Variants in AKAP13 observed in about 807,000 individuals in gnomAD.
AKAP13 encodes A-kinase anchoring protein 13.
AKAP13 carries 80 observed loss-of-function variants against 264.5 expected under a neutral mutation model. The ratio of observed to expected loss-of-function variants is 0.30; its 90% CI spans 0.25 to 0.36. The LOEUF is 0.36. Among genes scored for constraint, AKAP13 ranks in the 10% least tolerant of loss-of-function variants. The pLI is 1.00. For missense variants in AKAP13, 3,712 were observed against 3,435.2 expected, an observed-to-expected ratio of 1.08 and a Z score of -2.01; for synonymous variants, 1,380 against 1,250.2, an observed-to-expected ratio of 1.10 and a Z score of -2.19.
chr15:85,710,730 T>C, intron 19 of AKAP13, 85 bp downstream of exon 19: 2 of 1,460,344 alleles, frequency 1.4e-6, no homozygotes, highest in African/African-American at 1.4e-5. Context: ...TCAGTTATTA[T>C]TCATAGTCAA....
chr15:85,732,905 T>C (rs932673058), intron 30 of AKAP13, among the ~76,000 whole-genome samples: 2 of 152,140 alleles, frequency 1.3e-5, no homozygotes, highest in Non-Finnish European at 2.9e-5. Flanking sequence ...ATAGTAATGC[T>C]GCTACCACTA....
At chr15:85,597,779 C>T (rs1055459858) in intron 8 of AKAP13, among the ~76,000 whole-genome samples, 4 of 152,056 alleles carry the variant, frequency 2.6e-5, no homozygotes, top group Admixed American at 2.0e-4. Flanking sequence ...TTTGGGTGTG[C>T]TTGTTGTGTG....
rs576500897 is a variant in AKAP13, at chr15:85,654,441, A to T, written c.4375-976A>T. ...AACACATGATAAATTTTGTTTTCAT[A>T]TACAAAAAACCCAGAGACAGATGGA... On this transcript the variant is annotated intron_variant, in intron 10 of 36. Coordinates refer to ENST00000394518, the MANE Select transcript of AKAP13 (RefSeq NM_007200.5). Among the ~76,000 whole-genome samples, 6 of 152,342 alleles carry T rather than the reference A, an allele frequency of 3.9e-5. No individual in the cohort carries two copies. The South Asian group carries it at 1.2e-3, about 32-fold the overall frequency.
chr15:85,658,503 C>CT, intron 11 of AKAP13, 34 bp from the exon 12 acceptor site: 1 of 1,609,490 alleles, frequency 6.2e-7, no homozygotes, highest in Non-Finnish European at 8.5e-7. Context: ...TTTGTTTCAC[C>CT]TGCAACACTG....
At chr15:85,743,061 C>T (rs1046943667) in intron 35 of AKAP13, among the ~76,000 whole-genome samples, 8 of 152,070 alleles carry the variant, frequency 5.3e-5, no homozygotes, top group African/African-American at 4.8e-5. Flanking sequence ...GGTGTAAGCT[C>T]GGCTTTTCCA....
rs906350528 is a variant in AKAP13, at chr15:85,618,006, C to G, written c.4162-21368C>G. On this transcript the variant is annotated intron_variant, in intron 8 of 36. Transcript: ENST00000394518. ...TGCACATGTTGGTACCACTACAGAG[C>G]CAAGGCTCACTTGGGGCACGAGAAG... is the stretch of plus-strand genomic sequence containing the variant. 2.0e-5 allele frequency among the ~76,000 whole-genome samples: 3 copies of G among 152,196 alleles called. No homozygotes were observed. In the South Asian group the frequency reaches 6.2e-4, roughly 32 times the overall value.
intron 3 of AKAP13, among the ~76,000 whole-genome samples, chr15:85,532,117 G>C (rs989862450): frequency 2.6e-5 from 4 of 152,170 alleles, no homozygotes; most frequent in African/African-American, 9.7e-5. Context: ...AATTGTTGTG[G>C]AGAGATGACT....
chr15:85,429,164 T>C (rs1304180517), intron 1 of AKAP13, among the ~76,000 whole-genome samples: 1 of 152,236 alleles, frequency 6.6e-6, no homozygotes, highest in East Asian at 1.9e-4. Context: ...ACTACCATTT[T>C]TCTACCTAAT....
At chr15:85,486,656 C>G (rs1161868583) in intron 2 of AKAP13, among the ~76,000 whole-genome samples, 1 of 151,114 alleles carries the variant, frequency 6.6e-6, no homozygotes, top group Non-Finnish European at 1.5e-5. Context: ...ACTGTATAAA[C>G]TTGGTACTTC....
intron 8 of AKAP13, among the ~76,000 whole-genome samples, chr15:85,632,574 T>A (rs1018734934): frequency 6.6e-6 from 1 of 152,188 alleles, no homozygotes; most frequent in African/African-American, 2.4e-5. Flanking sequence ...AGAATTGTTT[T>A]CCAACATGAT....
At chr15:85,680,159 T>G (rs62022920) in intron 14 of AKAP13, among the ~76,000 whole-genome samples, 26,842 of 152,196 alleles carry the variant, frequency 0.18, 2,623 homozygotes, top group Non-Finnish European at 0.22. Context: ...TTTATTTAGT[T>G]CATATTACTA....
chr15:85,552,818 T>C (rs531986702), intron 5 of AKAP13, among the ~76,000 whole-genome samples: 1 of 151,688 alleles, frequency 6.6e-6, no homozygotes, highest in Non-Finnish European at 1.5e-5. Flanking sequence ...TTTTTCACCG[T>C]GTTAGCCAGG....
intron 23 of AKAP13, among the ~76,000 whole-genome samples, chr15:85,721,760 A>G (rs891539505): frequency 1.3e-5 from 2 of 152,256 alleles, no homozygotes; most frequent in African/African-American, 2.4e-5. Context: ...TCAAATCTGT[A>G]TAACAGCTTT....
At chr15:85,688,064 A>G (rs1029017681) in intron 16 of AKAP13, among the ~76,000 whole-genome samples, 13 of 151,944 alleles carry the variant, frequency 8.6e-5, no homozygotes, top group African/African-American at 3.1e-4. Flanking sequence ...GAGAGAGGAA[A>G]GAAATAGGGG....
Position 85,579,116 on chromosome 15 carries a change from A to T in AKAP13, c.1048A>T (p.Thr350Ser). 1 of 1,614,192 alleles carries T rather than the reference A, an allele frequency of 6.2e-7. No homozygotes were observed. The highest frequency in any genetic ancestry group is 8.5e-7 in the Non-Finnish European group (1 of 1,180,040). Residue 350 changes from threonine (T) to serine (S), a missense_variant, in exon 7 of 37, where the codon ACT becomes TCT. Physicochemically the swap from Thr to Ser is moderately conservative, Grantham distance 58. Coordinates refer to ENST00000394518, the MANE Select transcript of AKAP13 (RefSeq NM_007200.5). ...CTGCCCAGGGAGCCCTGTTGCACAG[A>T]CTGAAAGTCCCTGTGATTTGTCAAG... Reference protein sequence around the residue: ...QCCPGSPVAQTESPCDLSSIV... With the variant: ...QCCPGSPVAQSESPCDLSSIV...
intron 8 of AKAP13, among the ~76,000 whole-genome samples, chr15:85,630,302 G>A (rs774123422): frequency 2.2e-5 from 3 of 137,296 alleles, no homozygotes; most frequent in African/African-American, 5.4e-5. Context: ...TTGTAATTCC[G>A]GCCCAGTGTC....
chr15:85,511,530 G>A (rs980745035), intron 2 of AKAP13, among the ~76,000 whole-genome samples: 4 of 152,210 alleles, frequency 2.6e-5, no homozygotes, highest in Non-Finnish European at 5.9e-5. Context: ...ATTCCCACAA[G>A]CCACTAGTTT....
rs760969912 is a variant in AKAP13, at chr15:85,580,979, G to C, written c.2911G>C (p.Asp971His). The change falls in exon 7 of 37, where the codon GAC becomes CAC. Residue 971 changes from aspartate to histidine, a missense_variant. Transcript: ENST00000394518. ...ATTTCATGAAAAATCAATCTCAGCT[G>C]ACTGTGCCAAGGACAAAGCACTTCA... ...QQFHEKSISA[D>H]CAKDKALQLS... 6.2e-7 allele frequency: 1 copy of C among 1,614,084 alleles called. No homozygotes were observed. Among genetic ancestry groups the C allele is most frequent in the South Asian group, 1.1e-5 (1 of 91,062 alleles).
chr15:85,672,181 A>G (rs11631660), intron 14 of AKAP13, among the ~76,000 whole-genome samples: 1 of 152,036 alleles, frequency 6.6e-6, no homozygotes, highest in African/African-American at 2.4e-5. Context: ...TATTCCTTTC[A>G]TCCAAATGTA....
Sources: allele counts gnomAD v4.1 joint callset (sites outside exome capture counted in the v4.1 genomes callset), GRCh38; gene constraint gnomAD v4.1.1; transcripts MANE v1.5; gene names NCBI Gene and HGNC (gene_info 2026-07-23, HGNC 2026-07-21).